Variants in ENAM observed in about 807,000 individuals in gnomAD.
ENAM encodes enamelin.
ENAM carries 21 observed loss-of-function variants against 33.6 expected under a neutral mutation model. The ratio of observed to expected loss-of-function variants is 0.63; its 90% CI spans 0.44 to 0.90. The LOEUF (loss-of-function observed/expected upper bound fraction) is 0.90. Among genes scored for constraint, ENAM ranks in the 40% least tolerant of loss-of-function variants. The pLI, the probability that ENAM is intolerant of heterozygous loss-of-function variation, is 0.00. For missense variants in ENAM, 1,388 were observed against 1,366.9 expected (o/e 1.02, Z -0.24); for synonymous variants, 473 against 468.4 (o/e 1.01, Z -0.13).
intron 7 of ENAM, 64 bp downstream of exon 7, chr4:70,635,958 T>A: frequency 1.2e-6 from 1 of 857,582 alleles, no homozygotes; most frequent in South Asian, 1.6e-5. Flanking sequence ...ATAATTTAAA[T>A]TAATATAAAT....
At chr4:70,640,151 G>A (rs771619786) in intron 8 of ENAM, among the ~76,000 whole-genome samples, 20 of 152,078 alleles carry the variant, frequency 1.3e-4, no homozygotes, top group Admixed American at 9.2e-4. Context: ...CACTCTCCTC[G>A]GTACTGGAAA....
Position 70,637,682 on chromosome 4 carries a change from G to C in ENAM, c.535-108G>C. 4.8e-6 allele frequency: 4 copies of C among 835,334 alleles called. No homozygotes were observed. The South Asian group carries it at 5.3e-5, about 11-fold the overall frequency. The allele number at this position is 835,334 out of a possible 1,614,324, so 51.7% of individuals were successfully genotyped here. A position where few individuals can be genotyped will look rare whatever the true frequency, so the allele number is the denominator to read the frequency against. On this transcript the variant is annotated intron_variant, in intron 7 of 8. Coordinates refer to ENST00000396073, the MANE Select transcript of ENAM (RefSeq NM_031889.3). The stretch of plus-strand genomic sequence containing the variant: ...ACGCTAAAAGCTCAGAGTACTAACT[G>C]AGCTCAATCATTGACTTGAGCTATT...
chr4:70,642,420 A>G lies in ENAM; in HGVS notation c.994A>G (p.Arg332Gly), dbSNP rs201174697. ...YPNIRNFPSG[R>G]QWYFTGTVMG... ...TAATATAAGAAATTTTCCTTCAGGA[A>G]GACAGTGGTATTTCACTGGTACTGT... The change falls in exon 9 of 9, where the codon AGA becomes GGA. Residue 332 changes from arginine (R) to glycine (G), a missense_variant. Coordinates refer to ENST00000396073, the MANE Select transcript of ENAM (RefSeq NM_031889.3). 390 of 1,614,186 alleles carry G rather than the reference A, an allele frequency of 2.4e-4. No homozygotes were observed. The highest frequency in any genetic ancestry group is 3.1e-4 in the Non-Finnish European group (370 of 1,180,008).
chr4:70,639,576 C>T (rs993477346), intron 8 of ENAM, among the ~76,000 whole-genome samples: 5 of 151,248 alleles, frequency 3.3e-5, no homozygotes, highest in Non-Finnish European at 5.9e-5. Context: ...GGCGACAGAG[C>T]GAGACTCAGT....
chr4:70,637,792 G>C lies in ENAM; in HGVS notation c.537G>C (p.Arg179Ser). The C allele has an allele frequency of 1.2e-6, 2 of 1,613,410 alleles. No homozygotes were observed. Among genetic ancestry groups the C allele is most frequent in the Non-Finnish European group, 1.7e-6 (2 of 1,179,458 alleles). Residue 179 changes from arginine (R) to serine (S), a missense_variant and splice_region_variant, in exon 8 of 9, where the codon AGG becomes AGC. Transcript: ENST00000396073. ...YQQPPWQIPQ[R>S]LPPPGYGRPP... is the part of the protein sequence containing the mutation. The stretch of plus-strand genomic sequence containing the variant: ...TCACTGTGTTTTTCACTTCTCAGAG[G>C]TTACCACCACCAGGTTATGGACGCC...
At chr4:70,640,630 G>A (rs1738573932) in intron 8 of ENAM, among the ~76,000 whole-genome samples, 1 of 152,070 alleles carries the variant, frequency 6.6e-6, no homozygotes, top group South Asian at 2.1e-4. Flanking sequence ...CAGGCACTGA[G>A]CTGTACTTAT....
intron 8 of ENAM, 119 bp downstream of exon 8, chr4:70,637,962 C>T: frequency 1.2e-6 from 1 of 802,708 alleles, no homozygotes; most frequent in African/African-American, 1.7e-5. Context: ...CTCAAGCTTC[C>T]GTGATTTTTA....
Position 70,645,997 on chromosome 4 carries a change from C to T in ENAM, c.*1142C>T, listed in dbSNP as rs553158330. On this transcript the variant is annotated 3_prime_UTR_variant, in exon 9 of 9. Coordinates refer to ENST00000396073, the MANE Select transcript of ENAM (RefSeq NM_031889.3). Reference sequence around the variant, plus strand: ...TGCCACACACTGCCAATTCATAATCCGCAGGATCTGTAGAAGACATTTTGG... The same window carrying T: ...TGCCACACACTGCCAATTCATAATCTGCAGGATCTGTAGAAGACATTTTGG... The T allele has an allele frequency of 1.1e-4, 16 of 151,850 alleles. No homozygotes were observed. In the East Asian group the frequency reaches 2.1e-3, roughly 20 times the overall value. The allele number at this position is 151,850 out of a possible 1,614,324, so 9.4% of individuals were successfully genotyped here. A position where few individuals can be genotyped will look rare whatever the true frequency, so the allele number is the denominator to read the frequency against.
chr4:70,634,713 C>A, intron 6 of ENAM, 145 bp downstream of exon 6: 1 of 812,624 alleles, frequency 1.2e-6, no homozygotes, highest in South Asian at 1.5e-5. Flanking sequence ...AACTGCATGG[C>A]AAGTCGACTC....
intron 3 of ENAM, 26 bp downstream of exon 3, chr4:70,631,764 T>G: frequency 6.2e-7 from 1 of 1,608,658 alleles, no homozygotes; most frequent in Non-Finnish European, 8.5e-7. Flanking sequence ...ATGTTAGCTC[T>G]TCTCTTTGTG....
In ENAM at chr4:70,643,191, C is replaced by G; in HGVS notation, c.1765C>G (p.His589Asp). The stretch of plus-strand genomic sequence containing the variant: ...AGGGAGGCAAGAAGAACATTTACCC[C>G]ATCCTTCCCATGGTTCTAGAGGAAG... ...DPGRQEEHLP[H>D]PSHGSRGSVF... Residue 589 changes from histidine to aspartate, a missense_variant, in exon 9 of 9, where the codon CAT becomes GAT. Coordinates refer to ENST00000396073, the MANE Select transcript of ENAM (RefSeq NM_031889.3). 1 of 1,613,734 alleles carries G rather than the reference C, an allele frequency of 6.2e-7. No homozygotes were observed. The highest frequency in any genetic ancestry group is 8.5e-7 in the Non-Finnish European group (1 of 1,179,916).
At position 70,645,176 on chromosome 4, in the gene ENAM, T is replaced by C. The variant is rs1738726851; in HGVS notation, c.*321T>C. 2.0e-6 allele frequency: 1 copy of C among 507,928 alleles called. No homozygotes were observed. The allele number at this position is 507,928 out of a possible 1,614,324, so 31.5% of individuals were successfully genotyped here. A position where few individuals can be genotyped will look rare whatever the true frequency, so the allele number is the denominator to read the frequency against. ...TTGATGACTTCTTTTGCTCTCAAAG[T>C]TCCATACTTGCAAAATTGGTTTTTC... is the stretch of plus-strand genomic sequence containing the variant. On this transcript the variant is annotated 3_prime_UTR_variant, in exon 9 of 9. Coordinates refer to ENST00000396073, the MANE Select transcript of ENAM (RefSeq NM_031889.3).
Position 70,637,856 on chromosome 4 carries a change from A to G in ENAM, c.588+13A>G, listed in dbSNP as rs776759946. ...TGAAGAAGGGGGGGTAAGTACAAGT[A>G]AAACTACATTCTCCACTAGAAATTA... On this transcript the variant is annotated intron_variant, in intron 8 of 8. Coordinates refer to ENST00000396073, the MANE Select transcript of ENAM (RefSeq NM_031889.3). 4 of 1,592,586 alleles carry G rather than the reference A, an allele frequency of 2.5e-6. No individual in the cohort carries two copies. Among genetic ancestry groups the G allele is most frequent in the Non-Finnish European group, 2.6e-6 (3 of 1,160,298 alleles).
In ENAM at chr4:70,642,378, G is replaced by T. The variant is rs1436075436; in HGVS notation, c.952G>T (p.Glu318Ter). The stretch of plus-strand genomic sequence containing the variant: ...GAGACCAAGTCAGCCAAATATTCGT[G>T]AAAATCATCCATATCCTAATATAAG... ...PWRPSQPNIR[E>*]NHPYPNIRNF... Residue 318 changes from glutamate (E) to a stop codon, truncating the protein, a stop_gained, in exon 9 of 9, where the codon GAA becomes TAA. Coordinates refer to ENST00000396073, the MANE Select transcript of ENAM (RefSeq NM_031889.3). LOFTEE classifies it low-confidence loss of function (END_TRUNC). 1.9e-6 allele frequency: 3 copies of T among 1,614,058 alleles called. No homozygotes were observed. Among genetic ancestry groups the T allele is most frequent in the African/African-American group, 2.7e-5 (2 of 74,916 alleles).
At chr4:70,630,245 A>C (rs1460065091) in intron 2 of ENAM, among the ~76,000 whole-genome samples, 6 of 152,220 alleles carry the variant, frequency 3.9e-5, no homozygotes, top group African/African-American at 1.4e-4. Flanking sequence ...AATGTCCATT[A>C]TAAAAATGCT....
At chr4:70,641,397 A>T (rs2553317) in intron 8 of ENAM, among the ~76,000 whole-genome samples, 25,747 of 139,762 alleles carry the variant, frequency 0.18, 2,904 homozygotes, top group African/African-American at 0.32. Context: ...TTATTTATTT[A>T]TTTTTTTTTT....
At chr4:70,635,605 G>A (rs1428912846) in intron 6 of ENAM, among the ~76,000 whole-genome samples, 3 of 152,118 alleles carry the variant, frequency 2.0e-5, no homozygotes, top group East Asian at 1.9e-4. Context: ...GGTTATATGA[G>A]GATGAAATGA....
At chr4:70,636,463 G>A (rs182272349) in intron 7 of ENAM, among the ~76,000 whole-genome samples, 8 of 152,034 alleles carry the variant, frequency 5.3e-5, no homozygotes, top group Admixed American at 2.6e-4. Flanking sequence ...GTGAAATCCC[G>A]TCTCTACTAA....
rs760044220 is a variant in ENAM at position 70,642,425 on chromosome 4, G to A, written c.999G>A (p.Gln333=). 7.4e-6 allele frequency: 12 copies of A among 1,614,036 alleles called. No homozygotes were observed. The highest frequency in any genetic ancestry group is 1.0e-5 in the Non-Finnish European group (12 of 1,180,032). ...PNIRNFPSGR[Q]WYFTGTVMGH... ...TAAGAAATTTTCCTTCAGGAAGACAGTGGTATTTCACTGGTACTGTCATGG... is the reference window on the plus strand; with the variant it reads ...TAAGAAATTTTCCTTCAGGAAGACAATGGTATTTCACTGGTACTGTCATGG... The change falls in exon 9 of 9, where the codon CAG becomes CAA. Residue 333 remains glutamine (Q), a synonymous_variant. Transcript: ENST00000396073.
Sources: gnomAD v4.1 joint callset for allele counts (sites outside exome capture counted in the v4.1 genomes callset) on GRCh38, gnomAD v4.1.1 for gene constraint, MANE v1.5 for transcripts, NCBI Gene and HGNC (gene_info 2026-07-23, HGNC 2026-07-21) for gene names.